The following CA5A variants were observed in gnomAD, a reference collection of about 807,000 sequenced individuals.
CA5A encodes the protein carbonic anhydrase 5A, mitochondrial.
Under a neutral mutation model 37.1 loss-of-function variants are expected in CA5A, and 28 were observed. That is an observed-to-expected ratio of 0.75 (90% confidence interval 0.56 to 1.03). The LOEUF (loss-of-function observed/expected upper bound fraction) is 1.03. Among genes scored for constraint, CA5A ranks in the 50% least tolerant of loss-of-function variants. The probability of loss-of-function intolerance (pLI) is 0.00; values close to 1 mark genes in which losing one functional copy is unlikely to be tolerated. For synonymous variants in CA5A, 171 were observed against 158.4 expected, an observed-to-expected ratio of 1.08 and a Z score of -0.60; for missense variants, 444 against 399.9, an observed-to-expected ratio of 1.11 and a Z score of -0.94.
intron 5 of CA5A, among the ~76,000 whole-genome samples, chr16:87,898,881 T>G (rs1219516992): frequency 1.3e-5 from 2 of 150,496 alleles, no homozygotes; most frequent in African/African-American, 4.9e-5. Context: ...ATTACAGGAG[T>G]GTGCCACGAT....
intron 2 of CA5A, among the ~76,000 whole-genome samples, chr16:87,916,013 T>C (rs969519616): frequency 6.6e-6 from 1 of 151,688 alleles, no homozygotes; most frequent in Non-Finnish European, 1.5e-5. Flanking sequence ...AGGTCTTGCA[T>C]GGGGGCAGCC....
intron 1 of CA5A, 45 bp downstream of exon 1, chr16:87,936,264 G>T: frequency 7.1e-7 from 1 of 1,407,160 alleles, no homozygotes; most frequent in Non-Finnish European, 1.0e-6. Flanking sequence ...CATCAGCTAA[G>T]ACAAGGATCC....
At chr16:87,910,021 C>T (rs777963486) in intron 2 of CA5A, among the ~76,000 whole-genome samples, 3 of 152,144 alleles carry the variant, frequency 2.0e-5, no homozygotes, top group Non-Finnish European at 2.9e-5. Flanking sequence ...ACTGCTGTTA[C>T]GGTTAAGTCA....
chr16:87,884,670 G>A (rs1483929148), downstream of CA5A: 3 of 152,278 alleles, frequency 2.0e-5, no homozygotes, highest in Non-Finnish European at 4.4e-5. Context: ...GGAGGCAGAG[G>A]TTGCAGTGAG....
intron 1 of CA5A, among the ~76,000 whole-genome samples, chr16:87,931,803 T>C (rs1006671439): frequency 6.6e-6 from 1 of 152,192 alleles, no homozygotes; most frequent in African/African-American, 2.4e-5. Flanking sequence ...TGCGTTCTGT[T>C]CTCTCTCACG....
chr16:87,921,872 A>ATT (rs67040230), intron 2 of CA5A, among the ~76,000 whole-genome samples: 2,582 of 121,266 alleles, frequency 0.021, 40 homozygotes, highest in African/African-American at 0.038. Flanking sequence ...TATTATTATT[A>ATT]TTATTATTTT....
chr16:87,899,849 G>A (rs2055852567), intron 5 of CA5A, among the ~76,000 whole-genome samples: 1 of 141,616 alleles, frequency 7.1e-6, no homozygotes, highest in African/African-American at 2.6e-5. Flanking sequence ...GAACCTGGAA[G>A]GCGGAGGTTG....
At chr16:87,922,731 A>T (rs911184609) in intron 2 of CA5A, among the ~76,000 whole-genome samples, 9 of 152,224 alleles carry the variant, frequency 5.9e-5, no homozygotes, top group Admixed American at 5.9e-4. Flanking sequence ...TCACTCACCC[A>T]GGGTGCTGGT....
At chr16:87,893,438 A>G in intron 5 of CA5A, 1 of 528,006 alleles carries the variant, frequency 1.9e-6, no homozygotes, top group Non-Finnish European at 3.7e-6. Context: ...GCCTGGAGAC[A>G]TTTCTACTGC....
intron 5 of CA5A, among the ~76,000 whole-genome samples, chr16:87,899,803 C>A (rs1597551422): frequency 6.7e-6 from 1 of 150,300 alleles, no homozygotes; most frequent in East Asian, 2.0e-4. Context: ...GCCGGTACTT[C>A]CAGCTACTCA....
intron 5 of CA5A, chr16:87,893,344 G>C: frequency 2.5e-6 from 1 of 393,872 alleles, no homozygotes; most frequent in Non-Finnish European, 4.9e-6. Context: ...AGTCAGGATG[G>C]TCTCGATCTC....
chr16:87,913,271 A>G (rs933718968), intron 2 of CA5A, among the ~76,000 whole-genome samples: 18 of 148,488 alleles, frequency 1.2e-4, no homozygotes, highest in African/African-American at 4.5e-4. Context: ...GAGCCACCAC[A>G]CCTGGCCCAT....
chr16:87,936,065 A>G (rs2056466345), intron 1 of CA5A, among the ~76,000 whole-genome samples: 1 of 150,396 alleles, frequency 6.6e-6, no homozygotes, highest in Non-Finnish European at 1.5e-5. Context: ...CCAGCTACTC[A>G]GGAAGCTGAG....
At chr16:87,932,453 C>A (rs890519054) in intron 1 of CA5A, among the ~76,000 whole-genome samples, 1 of 152,116 alleles carries the variant, frequency 6.6e-6, no homozygotes, top group Non-Finnish European at 1.5e-5. Context: ...CGTGTGTCAC[C>A]CAACAAAAGG....
intron 3 of CA5A, among the ~76,000 whole-genome samples, chr16:87,903,302 G>A (rs577465260): frequency 4.9e-4 from 74 of 152,212 alleles, no homozygotes; most frequent in East Asian, 1.9e-4. Context: ...GCAGTGGCAG[G>A]TGCCTGTAAT....
intron 1 of CA5A, 89 bp from the exon 2 acceptor site, chr16:87,927,034 C>T: frequency 1.1e-6 from 1 of 900,540 alleles, no homozygotes; most frequent in Non-Finnish European, 1.7e-6. Context: ...CCGCACGAGA[C>T]CCCTCACGTC....
At chr16:87,925,100 T>G (rs996447646) in intron 2 of CA5A, among the ~76,000 whole-genome samples, 1 of 151,948 alleles carries the variant, frequency 6.6e-6, no homozygotes, top group South Asian at 2.1e-4. Flanking sequence ...CAACAGTGAG[T>G]GAGCAAGATC....
intron 2 of CA5A, among the ~76,000 whole-genome samples, chr16:87,909,764 C>T (rs138211050): frequency 1.3e-5 from 2 of 152,304 alleles, no homozygotes; most frequent in East Asian, 1.9e-4. Flanking sequence ...ATTAGACCTG[C>T]GCCGCGAAGA....
chr16:87,896,564 T>C (rs973962980), intron 5 of CA5A, among the ~76,000 whole-genome samples: 12 of 152,346 alleles, frequency 7.9e-5, no homozygotes, highest in East Asian at 7.7e-4. Context: ...TGAGCACGGA[T>C]GGCCCAGCTA....
Sources: gnomAD v4.1 joint callset for allele counts (sites outside exome capture counted in the v4.1 genomes callset) on GRCh38, gnomAD v4.1.1 for gene constraint, MANE v1.5 for transcripts, NCBI Gene and HGNC (gene_info 2026-07-23, HGNC 2026-07-21) for gene names.